The following RBL1 variants were observed in gnomAD, a reference collection of about 807,000 sequenced individuals.
The protein encoded by RBL1 is RB transcriptional corepressor like 1, also known as retinoblastoma-like protein 1.
In RBL1, 82 loss-of-function variants were observed where a neutral mutation model predicts 123.0. That is an observed-to-expected ratio of 0.67 (90% CI 0.56 to 0.80). The LOEUF (loss-of-function observed/expected upper bound fraction) is 0.80, where lower values mean the gene tolerates loss of function less well. Among genes scored for constraint, RBL1 ranks in the 30% least tolerant of loss-of-function variants. RBL1 has a pLI of 0.00. For synonymous variants in RBL1, 405 were observed against 441.3 expected (o/e 0.92, Z 1.03); for missense variants, 1,171 against 1,299.6 (o/e 0.90, Z 1.52).
At chr20:37,014,468 T>C (rs1427843014) in intron 19 of RBL1, among the ~76,000 whole-genome samples, 2 of 152,118 alleles carry the variant, frequency 1.3e-5, no homozygotes, top group African/African-American at 4.8e-5. Context: ...GTAACAATGG[T>C]TGTTTGCTTA....
intron 2 of RBL1, among the ~76,000 whole-genome samples, chr20:37,086,881 T>G (rs2065555194): frequency 6.6e-6 from 1 of 152,142 alleles, no homozygotes; most frequent in East Asian, 1.9e-4. Flanking sequence ...TGACAAAAAT[T>G]AACATCACCA....
intron 1 of RBL1, among the ~76,000 whole-genome samples, chr20:37,090,091 T>A (rs951341472): frequency 6.6e-6 from 1 of 152,194 alleles, no homozygotes; most frequent in Non-Finnish European, 1.5e-5. Context: ...TTCTAACTGT[T>A]CTATATATTT....
At position 37,066,803 on chromosome 20, in the gene RBL1, T is replaced by C; in HGVS notation, c.767A>G (p.His256Arg). 6.2e-7 allele frequency: 1 copy of C among 1,613,612 alleles called. No homozygotes were observed. Among genetic ancestry groups the C allele is most frequent in the East Asian group, 2.2e-5 (1 of 44,868 alleles). Residue 256 changes from histidine (H) to arginine (R), a missense_variant, in exon 6 of 22, where the codon CAT becomes CGT. Physicochemically the swap from His to Arg is conservative, Grantham distance 29 (BLOSUM62 0). Coordinates refer to ENST00000373664, the MANE Select transcript of RBL1 (RefSeq NM_002895.5). ...TTTTGCTTCTACGAGAAGTCCATCA[T>C]GCAGTTCACACAGTACAGCAATGAT... ...PCIIAVLCEL[H>R]DGLLVEAKGI... is the part of the protein sequence containing the mutation.
chr20:37,056,473 A>G (rs1371682565), intron 9 of RBL1, among the ~76,000 whole-genome samples: 3 of 150,250 alleles, frequency 2.0e-5, no homozygotes, highest in Non-Finnish European at 3.0e-5. Context: ...TCCTGTCTCA[A>G]CCTCCCAAGT....
At chr20:37,001,918 T>TAAAAAA (rs757774894) in intron 21 of RBL1, among the ~76,000 whole-genome samples, 142 of 86,480 alleles carry the variant, frequency 1.6e-3, no homozygotes, top group African/African-American at 3.3e-3. Flanking sequence ...TGCAGAACAA[T>TAAAAAA]AAAAAAAAAA....
In RBL1 at chr20:37,032,576, A is replaced by G. The variant is rs1327531068; in HGVS notation, c.2382+89T>C. 16 of 1,360,908 alleles carry G rather than the reference A, an allele frequency of 1.2e-5. No homozygotes were observed. The East Asian group carries it at 1.3e-4, about 11-fold the overall frequency. 84.3% of individuals were successfully genotyped at this position (1,360,908 alleles called of 1,614,324 possible). On this transcript the variant is annotated intron_variant, in intron 16 of 21. Coordinates refer to ENST00000373664, the MANE Select transcript of RBL1 (RefSeq NM_002895.5). Reference sequence around the variant, plus strand: ...GTAAATTTTGTGTTATGTATATTAGAAAAAAAAAAGACCAAAGTCTGTCTC... The same window carrying G: ...GTAAATTTTGTGTTATGTATATTAGGAAAAAAAAAGACCAAAGTCTGTCTC...
chr20:37,009,227 C>A (rs1251657232), intron 19 of RBL1, among the ~76,000 whole-genome samples: 1 of 152,048 alleles, frequency 6.6e-6, no homozygotes, highest in Non-Finnish European at 1.5e-5. Flanking sequence ...GTTTCGCCAG[C>A]TGGAAAGGCT....
intron 19 of RBL1, among the ~76,000 whole-genome samples, chr20:37,016,573 C>T (rs2146219250): frequency 6.6e-6 from 1 of 152,042 alleles, no homozygotes; most frequent in South Asian, 2.1e-4. Context: ...AGAATTTATC[C>T]TAAGGATGTG....
rs752745837 is a variant in RBL1 at position 37,032,723 on chromosome 20, T to C, written c.2324A>G (p.His775Arg). The change falls in exon 16 of 22, where the codon CAT becomes CGT. Residue 775 changes from histidine (H) to arginine (R), a missense_variant. Transcript: ENST00000373664. ...CTTTGGCCTGTTTATTCCAGTTGAA[T>C]GTACCTCTTGTGCTTTAGTCAGATT... ...QTNLTKAQEV[H>R]STGINRPKRT... The C allele has an allele frequency of 1.2e-6, 2 of 1,614,132 alleles. No individual in the cohort carries two copies. The highest frequency in any genetic ancestry group is 1.7e-6 in the Non-Finnish European group (2 of 1,179,996).
intron 1 of RBL1, among the ~76,000 whole-genome samples, chr20:37,093,410 G>A (rs556175893): frequency 7.3e-4 from 110 of 151,654 alleles, no homozygotes; most frequent in Middle Eastern, 6.8e-3. Flanking sequence ...GGGAGGCTGC[G>A]GCAGAAAAAT....
chr20:37,040,024 G>T, intron 14 of RBL1, 129 bp downstream of exon 14: 1 of 1,255,528 alleles, frequency 8.0e-7, no homozygotes, highest in Non-Finnish European at 1.1e-6. Flanking sequence ...CAAGCATCAA[G>T]CTCCTTTTCG....
intron 2 of RBL1, among the ~76,000 whole-genome samples, chr20:37,071,565 AG>A (rs1034167930): frequency 3.3e-5 from 5 of 152,304 alleles, no homozygotes; most frequent in Admixed American, 6.5e-5. Context: ...CTGAGGCAGG[AG>A]GATCACTTGA....
At chr20:37,055,208 A>C (rs928947460) in intron 11 of RBL1, among the ~76,000 whole-genome samples, 2 of 150,792 alleles carry the variant, frequency 1.3e-5, no homozygotes, top group Non-Finnish European at 3.0e-5. Context: ...AGAAAAACCC[A>C]TACCATTTTA....
chr20:37,043,162 GCACACACA>G (rs147834827), intron 13 of RBL1, among the ~76,000 whole-genome samples: 3 of 147,806 alleles, frequency 2.0e-5, no homozygotes, highest in Non-Finnish European at 3.0e-5. Context: ...ATGCGCGCGT[GCACACACA>G]CACACACACA....
In RBL1 at chr20:37,076,439, C is replaced by G. The variant is rs895793564; in HGVS notation, c.291-8253G>C. Reference sequence around the variant, plus strand: ...TGTACTCACCCTTCTTGTGATCTGTCAATCTCTGATAACTGAGAGGGCCAC... The same window carrying G: ...TGTACTCACCCTTCTTGTGATCTGTGAATCTCTGATAACTGAGAGGGCCAC... On this transcript the variant is annotated intron_variant, in intron 2 of 21. Coordinates refer to ENST00000373664, the MANE Select transcript of RBL1 (RefSeq NM_002895.5). Among the ~76,000 whole-genome samples, 6 of 152,260 alleles carry G rather than the reference C, an allele frequency of 3.9e-5. No individual in the cohort carries two copies. The East Asian group carries it at 1.2e-3, about 29-fold the overall frequency.
At position 37,061,166 on chromosome 20, in the gene RBL1, C is replaced by A; in HGVS notation, c.1187G>T (p.Arg396Leu). ...CAGACCAGCCACAATACTCTGTAAC[C>A]GGCTCACACTTTGGGTGGCTGATGC... ...PVASATQSVS[R>L]LQSIVAGLKN... is the part of the protein sequence containing the mutation. The change falls in exon 9 of 22, where the codon CGG becomes CTG. Residue 396 changes from arginine to leucine, a missense_variant. By Grantham distance (102) the Arg-to-Leu change is moderately radical. Transcript: ENST00000373664. The A allele has an allele frequency of 1.2e-6, 2 of 1,613,732 alleles. No individual in the cohort carries two copies. Among genetic ancestry groups the A allele is most frequent in the Non-Finnish European group, 1.7e-6 (2 of 1,179,780 alleles).
chr20:37,055,598 A>C lies in RBL1; in HGVS notation c.1422T>G (p.Thr474=). The change falls in exon 11 of 22, where the codon ACT becomes ACG. Residue 474 remains threonine (T), a synonymous_variant. Coordinates refer to ENST00000373664, the MANE Select transcript of RBL1 (RefSeq NM_002895.5). ...GTCTTCGTGTTTCCTGAACCATTAC[A>C]GTCTCTAGTATTTTATAATACAAAA... ...AEILYYKILE[T]VMVQETRRLH... is the part of the protein sequence containing the mutation. 6.2e-7 allele frequency: 1 copy of C among 1,614,148 alleles called. No individual in the cohort carries two copies. The highest frequency in any genetic ancestry group is 8.5e-7 in the Non-Finnish European group (1 of 1,180,024).
At chr20:37,046,357 G>A (rs921851779) in intron 12 of RBL1, among the ~76,000 whole-genome samples, 1 of 152,118 alleles carries the variant, frequency 6.6e-6, no homozygotes, top group Non-Finnish European at 1.5e-5. Flanking sequence ...AGGAACTGAA[G>A]CTGTAAGATT....
At chr20:37,041,901 C>A (rs1474068845) in intron 13 of RBL1, among the ~76,000 whole-genome samples, 4 of 151,618 alleles carry the variant, frequency 2.6e-5, no homozygotes, top group Admixed American at 1.3e-4. Flanking sequence ...TGAAACCCTG[C>A]CTCTACCACA....
Sources: gnomAD v4.1 joint callset for allele counts (sites outside exome capture counted in the v4.1 genomes callset) on GRCh38, gnomAD v4.1.1 for gene constraint, MANE v1.5 for transcripts, NCBI Gene and HGNC (gene_info 2026-07-23, HGNC 2026-07-21) for gene names.